The following MED16 variants were observed in gnomAD, a reference collection of about 807,000 sequenced individuals.
MED16 encodes the protein mediator complex subunit 16, also known as mediator of RNA polymerase II transcription subunit 16.
MED16 carries 81 observed loss-of-function variants against 84.4 expected under a neutral mutation model. The ratio of observed to expected loss-of-function variants is 0.96; its 90% CI spans 0.80 to 1.15. The LOEUF is 1.15. MED16 is among the 50% of genes most tolerant of loss of function. The pLI, the probability that MED16 is intolerant of heterozygous loss-of-function variation, is 0.00. For synonymous variants in MED16, 897 were observed against 552.2 expected (o/e 1.62, Z -8.76); for missense variants, 1,585 against 1,245.9 (o/e 1.27, Z -4.10).
rs900724167 is a variant in MED16 at position 867,983 on chromosome 19, T to G, written c.*118A>C. ...GGGCCTGGGCGCAGAGGGCGTTTAT[T>G]GGACCTGTCCTTCCCAGCCGCTGCT... On this transcript the variant is annotated 3_prime_UTR_variant, in exon 16 of 16. Coordinates refer to ENST00000325464, the MANE Select transcript of MED16 (RefSeq NM_005481.3). 2 of 1,360,068 alleles carry G rather than the reference T, an allele frequency of 1.5e-6. No individual in the cohort carries two copies. Among genetic ancestry groups the G allele is most frequent in the Non-Finnish European group, 2.0e-6 (2 of 1,019,628 alleles). The allele number at this position is 1,360,068 out of a possible 1,614,324, so 84.3% of individuals were successfully genotyped here.
chr19:880,239 CG>C, intron 7 of MED16, 91 bp from the exon 8 acceptor site: 1 of 1,246,826 alleles, frequency 8.0e-7, no homozygotes, highest in South Asian at 1.6e-5. Context: ...TGTGGAGAGC[CG>C]GGGCTGCCCA....
At chr19:871,722 G>C in intron 12 of MED16, 1 of 1,217,562 alleles carries the variant, frequency 8.2e-7, no homozygotes, top group Non-Finnish European at 1.2e-6. Context: ...TTATGTTCTG[G>C]CGGGGGGCTC....
intron 13 of MED16, among the ~76,000 whole-genome samples, chr19:869,180 G>T (rs2035988495): frequency 1.3e-5 from 2 of 152,168 alleles, no homozygotes; most frequent in South Asian, 4.1e-4. Context: ...GGTGCCTGGG[G>T]AGCTTGAGGC....
At position 871,005 on chromosome 19, in the gene MED16, G is replaced by T. The variant is rs752262164; in HGVS notation, c.2315+32C>A. The stretch of plus-strand genomic sequence containing the variant: ...GGCAGGACACGGAGGAAGGAGTCCT[G>T]TGTTTGGGGACCAATGCAGGGACAC... On this transcript the variant is annotated intron_variant, in intron 13 of 15. Transcript: ENST00000325464. 6 of 1,519,046 alleles carry T rather than the reference G, an allele frequency of 3.9e-6. No homozygotes were observed. The South Asian group carries it at 7.3e-5, about 18-fold the overall frequency. 94.1% of individuals were successfully genotyped at this position (1,519,046 alleles called of 1,614,324 possible).
rs372187260 is a variant in MED16 at position 875,440 on chromosome 19, C to G, written c.1575G>C (p.Arg525=). ...TAALQQVLST[R]ILAMKASLCK... ...AGAGCGAGGCCTTCATGGCCAGGAT[C>G]CGGGTGGAGAGGACCTGAGGGCAGG... Residue 525 remains arginine, a synonymous_variant, in exon 10 of 16, where the codon CGG becomes CGC. Coordinates refer to ENST00000325464, the MANE Select transcript of MED16 (RefSeq NM_005481.3). The G allele has an allele frequency of 1.1e-4, 179 of 1,602,380 alleles. No individual in the cohort carries two copies. The highest frequency in any genetic ancestry group is 1.5e-4 in the Non-Finnish European group (174 of 1,179,530).
chr19:889,895 C>A (rs2036599051), intron 3 of MED16, 88 bp from the exon 4 acceptor site: 1 of 1,459,014 alleles, frequency 6.9e-7, no homozygotes, highest in Admixed American at 2.1e-5. Flanking sequence ...GGGAAGCCAG[C>A]CCAGTGGAGA....
rs747504320 is a variant in MED16, at chr19:877,163, G to C, written c.1371C>G (p.Leu457=). 3.7e-6 allele frequency: 6 copies of C among 1,610,570 alleles called. No individual in the cohort carries two copies. Among genetic ancestry groups the C allele is most frequent in the Non-Finnish European group, 4.2e-6 (5 of 1,179,266 alleles). ...DSHGKLSVLR[L]SPSMGHPLEV... ...CCAGCGGGTGGCCCATGGAAGGTGA[G>C]AGGCGGAGCACGCTCAGCTGCCAGA... is the stretch of plus-strand genomic sequence containing the variant. The change falls in exon 9 of 16, where the codon CTC becomes CTG. Residue 457 remains leucine (L), a synonymous_variant. Coordinates refer to ENST00000325464, the MANE Select transcript of MED16 (RefSeq NM_005481.3).
At chr19:874,207 G>C (rs1348156511) in intron 10 of MED16, among the ~76,000 whole-genome samples, 1 of 151,954 alleles carries the variant, frequency 6.6e-6, no homozygotes, top group African/African-American at 2.4e-5. Flanking sequence ...TCCGCCTCCC[G>C]GGTTCACGCC....
chr19:876,963 C>CGGGCCCCCACCTGCCACA lies in MED16; in HGVS notation c.1560+10_1560+11insTGTGGCAGGTGGGGGCCC. On this transcript the variant is annotated intron_variant, in intron 9 of 15. Coordinates refer to ENST00000325464, the MANE Select transcript of MED16 (RefSeq NM_005481.3). ...ACCTGCCACGGGGCCCCACCTGCCACGGGCCCCCACCTGCTGCAGGGCAGC... is the reference window on the plus strand; with the variant it reads ...ACCTGCCACGGGGCCCCACCTGCCACGGGCCCCCACCTGCCACAGGGCCCCCACCTGCTGCAGGGCAGC... The CGGGCCCCCACCTGCCACA allele has an allele frequency of 6.2e-7, 1 of 1,600,222 alleles. No homozygotes were observed.
Position 871,504 on chromosome 19 carries a change from T to G in MED16, c.2099-251A>C, listed in dbSNP as rs1395964989. 9.9e-6 allele frequency: 15 copies of G among 1,513,608 alleles called. 1 individual carries two copies. The South Asian group carries it at 1.3e-4, about 13-fold the overall frequency. 93.8% of individuals were successfully genotyped at this position (1,513,608 alleles called of 1,614,324 possible). A position where few individuals can be genotyped will look rare whatever the true frequency, so the allele number is the denominator to read the frequency against. On this transcript the variant is annotated intron_variant, in intron 12 of 15. Coordinates refer to ENST00000325464, the MANE Select transcript of MED16 (RefSeq NM_005481.3). ...CTCCCTCATTCACTTAAAAAGTATG[T>G]GGGAAGCACTGTGCCTTTTCCAGAC... is the stretch of plus-strand genomic sequence containing the variant.
intron 10 of MED16, among the ~76,000 whole-genome samples, chr19:874,363 T>C (rs1289054433): frequency 6.6e-6 from 1 of 152,172 alleles, no homozygotes; most frequent in Non-Finnish European, 1.5e-5. Context: ...CAGCCCGCGT[T>C]GGCCTCCCAA....
chr19:885,963 GCCA>G lies in MED16; in HGVS notation c.683_685del (p.Val228del). 6.2e-7 allele frequency: 1 copy of G among 1,612,278 alleles called. No homozygotes were observed. Among genetic ancestry groups the G allele is most frequent in the Non-Finnish European group, 8.5e-7 (1 of 1,179,744 alleles). On this transcript the variant is annotated inframe_deletion, in exon 5 of 16. Coordinates refer to ENST00000325464, the MANE Select transcript of MED16 (RefSeq NM_005481.3). ...CGACGCGCTGCTGCCGTCCGCCGTG[GCCA>G]CCACGATGTTGCCGCCGCCGGTGAA...
rs1324630166 is a variant in MED16, at chr19:869,440, G to A, written c.2316-494C>T. ...GTGGGTGGGGGACCTGGGTCTGGGT[G>A]GGGGTGGGCCGGCTTATTCTGCTCT... On this transcript the variant is annotated intron_variant, in intron 13 of 15. Coordinates refer to ENST00000325464, the MANE Select transcript of MED16 (RefSeq NM_005481.3). Among the ~76,000 whole-genome samples, 3 of 152,018 alleles carry A rather than the reference G, an allele frequency of 2.0e-5. No homozygotes were observed. The South Asian group carries it at 6.2e-4, about 32-fold the overall frequency.
intron 5 of MED16, 121 bp downstream of exon 5, chr19:885,649 G>T (rs1463679012): frequency 1.3e-5 from 16 of 1,198,024 alleles, no homozygotes; most frequent in Non-Finnish European, 1.5e-5. Context: ...GGGAGGGACC[G>T]GCCCTGCCCA....
At chr19:892,147 T>C (rs2036650173) in intron 1 of MED16, among the ~76,000 whole-genome samples, 1 of 152,054 alleles carries the variant, frequency 6.6e-6, no homozygotes, top group Non-Finnish European at 1.5e-5. Flanking sequence ...GCTGTTTCGC[T>C]TCGCAAAGGC....
At position 875,378 on chromosome 19, in the gene MED16, T is replaced by C. The variant is rs776471554; in HGVS notation, c.1637A>G (p.Asp546Gly). The C allele has an allele frequency of 1.9e-6, 3 of 1,609,392 alleles. No individual in the cohort carries two copies. The highest frequency in any genetic ancestry group is 1.7e-6 in the Non-Finnish European group (2 of 1,179,700). ...GATGAGGAAGAGCTTGGTGTGGTAGTCGCACACGCGGGTCACCGTGCAGGG... is the reference window on the plus strand; with the variant it reads ...GATGAGGAAGAGCTTGGTGTGGTAGCCGCACACGCGGGTCACCGTGCAGGG... ...LSPCTVTRVC[D>G]YHTKLFLIAI... The change falls in exon 10 of 16, where the codon GAC becomes GGC. Residue 546 changes from aspartate to glycine, a missense_variant. Asp to Gly is a moderately conservative substitution (Grantham distance 94). Transcript: ENST00000325464.
Position 871,237 on chromosome 19 carries a change from T to C in MED16, c.2115A>G (p.Pro705=). The C allele has an allele frequency of 1.3e-6, 2 of 1,539,996 alleles. No homozygotes were observed. Among genetic ancestry groups the C allele is most frequent in the South Asian group, 1.2e-5 (1 of 84,006 alleles). ...CCAGCGCCTCGTCCGGCTCGCTCGC[T>C]GGGCCCTCATCGCGACCTGCGGAGA... ...KLWICCRDEG[P]ASEPDEALVD... The change falls in exon 13 of 16, where the codon CCA becomes CCG. Residue 705 remains proline (P), a synonymous_variant. Coordinates refer to ENST00000325464, the MANE Select transcript of MED16 (RefSeq NM_005481.3).
intron 9 of MED16, 55 bp downstream of exon 9, chr19:876,919 C>T (rs2036252477): frequency 6.5e-7 from 1 of 1,530,600 alleles, no homozygotes; most frequent in Non-Finnish European, 8.8e-7. Context: ...ACGGGGCCCC[C>T]ACCTGCCACA....
chr19:879,307 G>C (rs1405369270), intron 8 of MED16, among the ~76,000 whole-genome samples: 3 of 132,920 alleles, frequency 2.3e-5, no homozygotes, highest in Admixed American at 7.9e-5. Flanking sequence ...GGTTGTCAAT[G>C]CCCACCAAGC....
Sources: gnomAD v4.1 joint callset for allele counts (sites outside exome capture counted in the v4.1 genomes callset) on GRCh38, gnomAD v4.1.1 for gene constraint, MANE v1.5 for transcripts, NCBI Gene and HGNC (gene_info 2026-07-23, HGNC 2026-07-21) for gene names.